Variants in ROBO2 observed in about 807,000 individuals in gnomAD.
ROBO2 encodes roundabout guidance receptor 2, also known as roundabout homolog 2.
In ROBO2, 53 loss-of-function variants were observed where a neutral mutation model predicts 160.8. The observed-to-expected ratio is 0.33, with a 90% CI of 0.26 to 0.41. The LOEUF (loss-of-function observed/expected upper bound fraction) is 0.41. Among genes scored for constraint, ROBO2 ranks in the 10% least tolerant of loss-of-function variants. The pLI, the probability that ROBO2 is intolerant of heterozygous loss-of-function variation, is 1.00. For missense variants in ROBO2, 1,577 were observed against 1,722.4 expected (o/e 0.92, Z 1.49); for synonymous variants, 664 against 611.7 (o/e 1.09, Z -1.26).
chr3:77,261,372 G>A (rs57574385), intron 2 of ROBO2, among the ~76,000 whole-genome samples: 3,456 of 152,200 alleles, frequency 0.023, 131 homozygotes, highest in African/African-American at 0.078. Flanking sequence ...CTTTAAATAA[G>A]AAAGAGCTGT....
At chr3:77,447,547 A>AAAT (rs2080672035) in intron 2 of ROBO2, among the ~76,000 whole-genome samples, 1 of 152,138 alleles carries the variant, frequency 6.6e-6, no homozygotes, top group Non-Finnish European at 1.5e-5. Context: ...ATATCTCTGG[A>AAAT]AATAGGTTCA....
At chr3:76,295,981 T>G (rs746447825) in intron 2 of ROBO2, among the ~76,000 whole-genome samples, 1 of 152,204 alleles carries the variant, frequency 6.6e-6, no homozygotes, top group Non-Finnish European at 1.5e-5. Context: ...CATTTTCATC[T>G]GCGTAGGCTG....
intron 24 of ROBO2, among the ~76,000 whole-genome samples, chr3:77,642,456 A>T (rs1301415231): frequency 6.6e-6 from 1 of 152,202 alleles, no homozygotes; most frequent in African/African-American, 2.4e-5. Context: ...TGTTGAATAA[A>T]ACTAGTCAAT....
chr3:77,595,759 A>G (rs148077630), intron 18 of ROBO2, among the ~76,000 whole-genome samples: 51 of 152,298 alleles, frequency 3.3e-4, no homozygotes, highest in African/African-American at 1.1e-3. Flanking sequence ...GCAAAAAGAG[A>G]TTAAGTCTAA....
chr3:76,924,687 G>A (rs1464756588), intron 2 of ROBO2, among the ~76,000 whole-genome samples: 1 of 152,148 alleles, frequency 6.6e-6, no homozygotes, highest in Non-Finnish European at 1.5e-5. Context: ...CAAACTCACT[G>A]AATCAGAAGC....
intron 13 of ROBO2, among the ~76,000 whole-genome samples, chr3:77,572,981 GA>G (rs1445058676): frequency 6.6e-6 from 1 of 151,906 alleles, no homozygotes; most frequent in Non-Finnish European, 1.5e-5. Flanking sequence ...GTTTAAAGCT[GA>G]AATTAATAAC....
At chr3:76,920,047 CT>C (rs2076565548) in intron 2 of ROBO2, among the ~76,000 whole-genome samples, 1 of 152,144 alleles carries the variant, frequency 6.6e-6, no homozygotes, top group Non-Finnish European at 1.5e-5. Context: ...TATAGAGTCC[CT>C]TGTTTAAACA....
intron 2 of ROBO2, among the ~76,000 whole-genome samples, chr3:77,413,498 T>C (rs2076966649): frequency 6.6e-6 from 1 of 152,320 alleles, no homozygotes; most frequent in African/African-American, 2.4e-5. Flanking sequence ...GTTTGCGTTT[T>C]GTTTTGTTTT....
At chr3:77,424,455 AAT>A (rs2077996841) in intron 2 of ROBO2, among the ~76,000 whole-genome samples, 1 of 152,204 alleles carries the variant, frequency 6.6e-6, no homozygotes, top group Admixed American at 6.5e-5. Context: ...TATAAGATAC[AAT>A]ATATGTGAAA....
intron 2 of ROBO2, among the ~76,000 whole-genome samples, chr3:77,458,835 C>A (rs1025640782): frequency 6.6e-6 from 1 of 152,064 alleles, no homozygotes; most frequent in African/African-American, 2.4e-5. Context: ...CCTGTTATAT[C>A]TTATTTCATC....
chr3:76,983,462 G>A (rs1193807088), intron 2 of ROBO2, among the ~76,000 whole-genome samples: 2 of 151,968 alleles, frequency 1.3e-5, no homozygotes, highest in Non-Finnish European at 2.9e-5. Flanking sequence ...TAAAGTGAAC[G>A]CCAAGGGTAA....
intron 2 of ROBO2, among the ~76,000 whole-genome samples, chr3:76,843,222 A>C (rs1255459342): frequency 6.7e-6 from 1 of 149,848 alleles, no homozygotes; most frequent in Non-Finnish European, 1.5e-5. Context: ...ATATATTATA[A>C]CAAATATATT....
chr3:77,355,948 G>T (rs1160717858), intron 2 of ROBO2, among the ~76,000 whole-genome samples: 1 of 151,266 alleles, frequency 6.6e-6, no homozygotes, highest in East Asian at 1.9e-4. Flanking sequence ...TGGGTAAAGT[G>T]GAGAAGACAA....
intron 2 of ROBO2, among the ~76,000 whole-genome samples, chr3:76,254,472 G>C (rs958077440): frequency 6.6e-6 from 1 of 152,086 alleles, no homozygotes; most frequent in Admixed American, 6.6e-5. Context: ...GAGTCAGTCA[G>C]AGACTTAGGG....
chr3:75,972,822 A>C (rs2065032743), intron 2 of ROBO2, among the ~76,000 whole-genome samples: 2 of 151,600 alleles, frequency 1.3e-5, no homozygotes, highest in African/African-American at 4.8e-5. Context: ...TGCTGTGGAC[A>C]AACAACCTAA....
intron 2 of ROBO2, among the ~76,000 whole-genome samples, chr3:76,915,655 G>A (rs1326021797): frequency 2.1e-5 from 3 of 140,388 alleles, no homozygotes; most frequent in Non-Finnish European, 4.5e-5. Context: ...GGGTAACAGA[G>A]TGAAACTCTC....
chr3:77,106,154 C>T (rs2150137733), intron 2 of ROBO2, among the ~76,000 whole-genome samples: 1 of 152,112 alleles, frequency 6.6e-6, no homozygotes, highest in Non-Finnish European at 1.5e-5. Flanking sequence ...GCGATTCTCC[C>T]ACCACAGCTT....
intron 2 of ROBO2, among the ~76,000 whole-genome samples, chr3:76,478,598 A>G (rs1425856417): frequency 6.6e-6 from 1 of 151,930 alleles, no homozygotes; most frequent in African/African-American, 2.4e-5. Flanking sequence ...AATTGTATAG[A>G]TCCAGATATT....
intron 2 of ROBO2, among the ~76,000 whole-genome samples, chr3:76,858,083 G>C (rs1428425416): frequency 6.6e-6 from 1 of 151,626 alleles, no homozygotes; most frequent in African/African-American, 2.4e-5. Context: ...TTATACCCTA[G>C]TACGCTCCCA....
Sources: gnomAD v4.1 joint callset for allele counts (sites outside exome capture counted in the v4.1 genomes callset) on GRCh38, gnomAD v4.1.1 for gene constraint, MANE v1.5 for transcripts, NCBI Gene and HGNC (gene_info 2026-07-23, HGNC 2026-07-21) for gene names.